RBFOX1: variants seen among roughly 807,000 people sequenced by gnomAD.
RBFOX1 encodes RNA binding protein fox-1 homolog 1.
In RBFOX1, 8 loss-of-function variants were observed where a neutral mutation model predicts 57.7. That is an observed-to-expected ratio of 0.14 (90% CI 0.08 to 0.25). The LOEUF is 0.25. Ranked by LOEUF, RBFOX1 falls within the 10% of genes least tolerant of loss-of-function variation. The pLI is 1.00. For missense variants in RBFOX1, 611 were observed against 548.5 expected (o/e 1.11, Z -1.14); for synonymous variants, 326 against 222.4 (o/e 1.47, Z -4.15).
At chr16:6,921,123 A>C (rs1005194186) in intron 3 of RBFOX1, among the ~76,000 whole-genome samples, 1 of 151,594 alleles carries the variant, frequency 6.6e-6, no homozygotes, top group African/African-American at 2.4e-5. Flanking sequence ...AGTTTCCTAA[A>C]CTCCCCCAGG....
At chr16:6,949,209 C>G (rs952219770) in intron 3 of RBFOX1, among the ~76,000 whole-genome samples, 10 of 152,000 alleles carry the variant, frequency 6.6e-5, no homozygotes, top group Admixed American at 5.9e-4. Flanking sequence ...AAGCTAAATT[C>G]CAGGATATAG....
At chr16:7,699,632 A>G (rs1387876323) in intron 14 of RBFOX1, among the ~76,000 whole-genome samples, 1 of 152,220 alleles carries the variant, frequency 6.6e-6, no homozygotes, top group Non-Finnish European at 1.5e-5. Flanking sequence ...CTGGATTTCC[A>G]AAACTTAGTA....
intron 1 of RBFOX1, among the ~76,000 whole-genome samples, chr16:6,302,423 T>A (rs2078924256): frequency 6.6e-6 from 1 of 152,196 alleles, no homozygotes; most frequent in Non-Finnish European, 1.5e-5. Context: ...TATCAGGAAT[T>A]TTCTTTTGTC....
At chr16:5,724,374 A>G (rs1422704667) in intron 3 of RBFOX1, among the ~76,000 whole-genome samples, 1 of 152,150 alleles carries the variant, frequency 6.6e-6, no homozygotes, top group East Asian at 1.9e-4. Context: ...CTGTGAGAGC[A>G]TTCAGGAGCT....
intron 2 of RBFOX1, among the ~76,000 whole-genome samples, chr16:6,603,021 TA>T (rs1726225258): frequency 6.6e-6 from 1 of 152,216 alleles, no homozygotes. Context: ...TTCCCAATTT[TA>T]TTTATTTCAG....
chr16:6,653,917 C>T lies in RBFOX1; in HGVS notation c.-63-686C>T, dbSNP rs113963789. ...AAAAAGATGAATTTGGGTGGATGGGCGAGTGTGTAGATGATTGATGGATAG... is the reference window on the plus strand; with the variant it reads ...AAAAAGATGAATTTGGGTGGATGGGTGAGTGTGTAGATGATTGATGGATAG... On this transcript the variant is annotated intron_variant, in intron 2 of 15. Coordinates refer to ENST00000550418, the MANE Select transcript of RBFOX1 (RefSeq NM_018723.4). Among the ~76,000 whole-genome samples, 311 of 140,138 alleles carry T rather than the reference C, an allele frequency of 2.2e-3. 10 individuals carry two copies. In the East Asian group the frequency reaches 0.057, roughly 26 times the overall value. 91.9% of individuals were successfully genotyped at this position (140,138 alleles called of 152,430 possible).
chr16:6,699,295 G>A (rs1476903137), intron 3 of RBFOX1, among the ~76,000 whole-genome samples: 1 of 144,668 alleles, frequency 6.9e-6, no homozygotes, highest in Non-Finnish European at 1.5e-5. Flanking sequence ...TCCTCCCTAT[G>A]TTACTTTTTT....
intron 2 of RBFOX1, among the ~76,000 whole-genome samples, chr16:5,557,921 C>G (rs1353379232): frequency 6.6e-6 from 1 of 152,216 alleles, no homozygotes; most frequent in African/African-American, 2.4e-5. Context: ...AGAACAATGA[C>G]AGTGGAACAA....
chr16:7,005,721 C>T (rs1278233705), intron 3 of RBFOX1, among the ~76,000 whole-genome samples: 2 of 152,168 alleles, frequency 1.3e-5, no homozygotes, highest in African/African-American at 4.8e-5. Context: ...CAGGACAAGA[C>T]AAGACCGCTA....
chr16:7,459,403 C>T (rs767946254), intron 4 of RBFOX1, among the ~76,000 whole-genome samples: 2 of 152,170 alleles, frequency 1.3e-5, no homozygotes, highest in Non-Finnish European at 1.5e-5. Flanking sequence ...GCCTTCCTTC[C>T]TTCTCTGGCA....
At chr16:7,491,767 A>T (rs978542246) in intron 4 of RBFOX1, among the ~76,000 whole-genome samples, 2 of 152,144 alleles carry the variant, frequency 1.3e-5, no homozygotes, top group African/African-American at 4.8e-5. Context: ...AGTAGCTAGG[A>T]CCGCAGGCAC....
chr16:5,584,720 G>T (rs2151166229), intron 2 of RBFOX1, among the ~76,000 whole-genome samples: 1 of 152,288 alleles, frequency 6.6e-6, no homozygotes, highest in East Asian at 1.9e-4. Flanking sequence ...ACTCACTTTA[G>T]ATGGAAGTTC....
rs12931429 is a variant in RBFOX1 at position 6,612,695 on chromosome 16, T to C, written c.-63-41908T>C. Among the ~76,000 whole-genome samples the C allele has an allele frequency of 1.1e-4, 16 of 151,420 alleles. No homozygotes were observed. In the East Asian group the frequency reaches 2.7e-3, roughly 26 times the overall value. On this transcript the variant is annotated intron_variant, in intron 2 of 15. Transcript: ENST00000550418. Reference sequence around the variant, plus strand: ...GACAAAACCCCTCCTCTACTAAAAATACAAAAATTAGCCGGGTGTGGTGGT... The same window carrying C: ...GACAAAACCCCTCCTCTACTAAAAACACAAAAATTAGCCGGGTGTGGTGGT...
At chr16:5,607,900 A>G (rs1009427800) in intron 3 of RBFOX1, among the ~76,000 whole-genome samples, 1 of 152,150 alleles carries the variant, frequency 6.6e-6, no homozygotes, top group Non-Finnish European at 1.5e-5. Flanking sequence ...ATTTCATTGT[A>G]TGATTGGACC....
intron 3 of RBFOX1, among the ~76,000 whole-genome samples, chr16:7,021,743 A>G (rs534079962): frequency 1.7e-4 from 26 of 150,828 alleles, no homozygotes; most frequent in African/African-American, 6.3e-4. Flanking sequence ...ATGACCCTAA[A>G]AACAAGAGTA....
chr16:6,023,877 C>G (rs545696232), intron 1 of RBFOX1, among the ~76,000 whole-genome samples: 5 of 152,170 alleles, frequency 3.3e-5, no homozygotes, highest in African/African-American at 1.2e-4. Context: ...AAAATACTGC[C>G]TCGAGGCACA....
At chr16:6,746,901 C>A (rs917557118) in intron 3 of RBFOX1, among the ~76,000 whole-genome samples, 1 of 152,126 alleles carries the variant, frequency 6.6e-6, no homozygotes, top group Non-Finnish European at 1.5e-5. Flanking sequence ...CATCTCCTAG[C>A]AGTCTTCTCA....
intron 4 of RBFOX1, among the ~76,000 whole-genome samples, chr16:7,134,178 G>A (rs1234572644): frequency 6.6e-6 from 1 of 152,120 alleles, no homozygotes; most frequent in East Asian, 1.9e-4. Context: ...CATTTTTGAG[G>A]TTTCAGTAAA....
At chr16:7,708,760 G>A (rs953927687) in intron 14 of RBFOX1, among the ~76,000 whole-genome samples, 2 of 152,166 alleles carry the variant, frequency 1.3e-5, no homozygotes, top group African/African-American at 2.4e-5. Flanking sequence ...CTCTAAGGCA[G>A]CTACTTGAGC....
Sources: allele counts gnomAD v4.1 joint callset (sites outside exome capture counted in the v4.1 genomes callset), GRCh38; gene constraint gnomAD v4.1.1; transcripts MANE v1.5; gene names NCBI Gene and HGNC (gene_info 2026-07-23, HGNC 2026-07-21).